The following TPTE variants were observed in gnomAD, a reference collection of about 807,000 sequenced individuals.
TPTE encodes transmembrane phosphatase with tensin homology, also known as putative tyrosine-protein phosphatase TPTE.
A neutral mutation model predicts 84.1 loss-of-function variants in TPTE; 59 were observed. The observed-to-expected ratio is 0.70, with a 90% confidence interval of 0.57 to 0.87. TPTE has a LOEUF of 0.87. Ranked by LOEUF, TPTE falls within the 40% of genes least tolerant of loss-of-function variation. The pLI is 0.00. For synonymous variants in TPTE, 130 were observed against 223.5 expected, an observed-to-expected ratio of 0.58 and a Z score of 3.73; for missense variants, 382 against 659.6, an observed-to-expected ratio of 0.58 and a Z score of 4.61.
chr21:10,544,873 T>G (rs933277809), intron 7 of TPTE, among the ~76,000 whole-genome samples: 1 of 152,312 alleles, frequency 6.6e-6, no homozygotes, highest in Non-Finnish European at 1.5e-5. Context: ...ACTTGGGGAT[T>G]AGGTTTAGGA....
intron 14 of TPTE, among the ~76,000 whole-genome samples, chr21:10,573,753 G>C (rs1355802494): frequency 1.3e-5 from 2 of 152,282 alleles, no homozygotes; most frequent in African/African-American, 4.8e-5. Context: ...TTTTTTAAAT[G>C]AAAGGAAAGA....
intron 7 of TPTE, among the ~76,000 whole-genome samples, chr21:10,544,234 A>G (rs1211295450): frequency 6.6e-6 from 1 of 152,312 alleles, no homozygotes; most frequent in Admixed American, 6.5e-5. Context: ...GTGGCTGATT[A>G]AGGAAACATC....
At chr21:10,604,242 C>T (rs1303613509) in intron 23 of TPTE, among the ~76,000 whole-genome samples, 2 of 152,308 alleles carry the variant, frequency 1.3e-5, no homozygotes, top group Non-Finnish European at 2.9e-5. Flanking sequence ...TCCAAAAAAA[C>T]CTTCTGCCAT....
chr21:10,521,908 C>T (rs1266595983), intron 1 of TPTE, among the ~76,000 whole-genome samples: 2 of 152,024 alleles, frequency 1.3e-5, no homozygotes, highest in Non-Finnish European at 2.9e-5. Flanking sequence ...CGCGACGCCT[C>T]CCTCCCTCCC....
intron 3 of TPTE, among the ~76,000 whole-genome samples, chr21:10,537,825 G>GAAAT (rs1484807874): frequency 6.6e-6 from 1 of 152,310 alleles, no homozygotes; most frequent in Non-Finnish European, 1.5e-5. Flanking sequence ...GTACAGCAGA[G>GAAAT]AAATATAAAG....
intron 19 of TPTE, among the ~76,000 whole-genome samples, chr21:10,593,516 C>T (rs1244327219): frequency 6.6e-6 from 1 of 152,304 alleles, no homozygotes; most frequent in African/African-American, 2.4e-5. Context: ...TTGTTTATTG[C>T]AGAAACCAGG....
chr21:10,563,303 C>T lies in TPTE; in HGVS notation c.446+2112C>T, dbSNP rs1283592251. 7.2e-5 allele frequency among the ~76,000 whole-genome samples: 11 copies of T among 152,402 alleles called. No individual in the cohort carries two copies. In the South Asian group the frequency reaches 1.7e-3, roughly 23 times the overall value. ...AAGGACATTAATGAGCAATAAGTAA[C>T]AACCTGAAGGTATAAAACTCACTGG... On this transcript the variant is annotated intron_variant, in intron 10 of 23. Transcript: ENST00000618007.
At position 10,559,513 on chromosome 21, in the gene TPTE, G is replaced by T. The variant is rs201974711; in HGVS notation, c.253G>T (p.Val85Leu). ...TTGCAGCAGCAAGATTAAGAAAATTGTGCATTCAATTGTATCATCCTTTGC... is the reference window on the plus strand; with the variant it reads ...TTGCAGCAGCAAGATTAAGAAAATTTTGCATTCAATTGTATCATCCTTTGC... Reference protein sequence around the residue: ...ASYDSKIKKIVHSIVSSFAFG... With the variant: ...ASYDSKIKKILHSIVSSFAFG... Residue 85 changes from valine (V) to leucine (L), a missense_variant, in exon 9 of 24, where the codon GTG becomes TTG. Physicochemically the swap from Val to Leu is conservative, Grantham distance 32. This residue lies in a region of TPTE where 2 missense variants were observed against 46.7 expected (regional missense o/e 0.04). Coordinates refer to ENST00000618007, the MANE Select transcript of TPTE (RefSeq NM_199261.4). 2 of 1,612,088 alleles carry T rather than the reference G, an allele frequency of 1.2e-6. No homozygotes were observed. Among genetic ancestry groups the T allele is most frequent in the East Asian group, 4.5e-5 (2 of 44,892 alleles).
chr21:10,586,979 T>C (rs1162185808), intron 17 of TPTE, among the ~76,000 whole-genome samples: 1 of 152,312 alleles, frequency 6.6e-6, no homozygotes, highest in African/African-American at 2.4e-5. Flanking sequence ...TTTGGTAGAT[T>C]CTCTTTGTTG....
intron 21 of TPTE, among the ~76,000 whole-genome samples, chr21:10,599,287 T>C (rs1304877062): frequency 6.6e-6 from 1 of 152,308 alleles, no homozygotes; most frequent in African/African-American, 2.4e-5. Context: ...CTGCCACTAA[T>C]TGTCCAGAAT....
chr21:10,532,012 T>C (rs2074187060), intron 3 of TPTE, among the ~76,000 whole-genome samples: 1 of 152,308 alleles, frequency 6.6e-6, no homozygotes, highest in Admixed American at 6.5e-5. Context: ...CATTGATACT[T>C]ATGGCATCCC....
intron 21 of TPTE, among the ~76,000 whole-genome samples, chr21:10,601,531 A>G (rs1325625231): frequency 1.3e-5 from 2 of 152,296 alleles, no homozygotes; most frequent in Non-Finnish European, 2.9e-5. Flanking sequence ...GTGGTTCATG[A>G]TAACCCTCAA....
chr21:10,604,022 G>A (rs1165572439), intron 23 of TPTE, among the ~76,000 whole-genome samples: 1 of 152,312 alleles, frequency 6.6e-6, no homozygotes, highest in African/African-American at 2.4e-5. Context: ...TGTGCTAAAG[G>A]AAGGCAGGAC....
At chr21:10,590,565 G>A (rs1404218325) in intron 18 of TPTE, 42 bp downstream of exon 18, 3 of 1,612,366 alleles carry the variant, frequency 1.9e-6, no homozygotes, top group African/African-American at 2.7e-5. Flanking sequence ...GGATGATTGA[G>A]TTTGCTAGTT....
At chr21:10,588,517 A>G (rs2075407976) in intron 17 of TPTE, among the ~76,000 whole-genome samples, 2 of 152,308 alleles carry the variant, frequency 1.3e-5, no homozygotes, top group African/African-American at 4.8e-5. Flanking sequence ...ATAGTATCTC[A>G]CAGGTGCCGT....
intron 3 of TPTE, among the ~76,000 whole-genome samples, chr21:10,533,980 G>A (rs531117286): frequency 6.6e-6 from 1 of 152,426 alleles, no homozygotes; most frequent in Non-Finnish European, 1.5e-5. Flanking sequence ...GTTACAGCTG[G>A]ATGTTTTGTC....
Position 10,564,602 on chromosome 21 carries a change from A to G in TPTE, c.447-3068A>G, listed in dbSNP as rs1316780704. Among the ~76,000 whole-genome samples, 4 of 152,310 alleles carry G rather than the reference A, an allele frequency of 2.6e-5. No individual in the cohort carries two copies. The South Asian group carries it at 6.2e-4, about 24-fold the overall frequency. ...ATAAATATTGATGCAAAAATCCTCA[A>G]CAAGATACTAGAAAACTGAATTCAA... On this transcript the variant is annotated intron_variant, in intron 10 of 23. Coordinates refer to ENST00000618007, the MANE Select transcript of TPTE (RefSeq NM_199261.4).
chr21:10,559,341 A>C (rs570709745), intron 8 of TPTE, among the ~76,000 whole-genome samples, 153 bp from the exon 9 acceptor site: 3 of 152,428 alleles, frequency 2.0e-5, no homozygotes, highest in East Asian at 3.8e-4. Context: ...CAGGAAGAAT[A>C]AAATTTTAGC....
At chr21:10,583,891 C>T (rs950908402) in intron 17 of TPTE, among the ~76,000 whole-genome samples, 99 of 152,120 alleles carry the variant, frequency 6.5e-4, no homozygotes, top group Non-Finnish European at 2.8e-4. Flanking sequence ...GTGCCAATAG[C>T]ACAACTATCT....
Sources: allele counts gnomAD v4.1 joint callset (sites outside exome capture counted in the v4.1 genomes callset), GRCh38; gene constraint gnomAD v4.1.1; regional missense constraint gnomAD v4.1.1; transcripts MANE v1.5; gene names NCBI Gene and HGNC (gene_info 2026-07-23, HGNC 2026-07-21).